The following BRPF3 variants were observed in gnomAD, a reference collection of about 807,000 sequenced individuals.
BRPF3 encodes bromodomain and PHD finger containing 3, also known as bromodomain and PHD finger-containing protein 3.
Under a neutral mutation model 102.0 loss-of-function variants are expected in BRPF3, and 18 were observed. The observed-to-expected ratio is 0.18, with a 90% CI of 0.12 to 0.26. BRPF3 has a LOEUF of 0.26. Among genes scored for constraint, BRPF3 ranks in the 10% least tolerant of loss-of-function variants. The pLI is 1.00. For synonymous variants in BRPF3, 570 were observed against 614.2 expected (o/e 0.93, Z 1.06); for missense variants, 1,147 against 1,567.8 (o/e 0.73, Z 4.53).
At position 36,201,579 on chromosome 6, in the gene BRPF3, GGAGGAAGAA is replaced by G. The variant is rs780551785; in HGVS notation, c.1266_1274del (p.Glu423_Glu425del). 6.4e-5 allele frequency: 104 copies of G among 1,614,040 alleles called. No individual in the cohort carries two copies. The highest frequency in any genetic ancestry group is 7.8e-5 in the Non-Finnish European group (92 of 1,179,930). On this transcript the variant is annotated inframe_deletion, in exon 2 of 13. Coordinates refer to ENST00000357641, the MANE Select transcript of BRPF3 (RefSeq NM_015695.3). The surrounding 1 kb of genome is among the most constrained non-coding windows in gnomAD (Gnocchi z 5.1). Reference sequence around the variant, plus strand: ...AAGGGCTGAAGGAGGGTGATGGAGAGGAGGAAGAAGAGGAAGAGGTGGAGGAAGAAGAGC... The same window carrying G: ...AAGGGCTGAAGGAGGGTGATGGAGAGGAGGAAGAGGTGGAGGAAGAAGAGC...
At chr6:36,225,480 G>GC (rs1581991152) in intron 11 of BRPF3, 116 bp downstream of exon 11, 1 of 932,968 alleles carries the variant, frequency 1.1e-6, no homozygotes, top group African/African-American at 1.7e-5. Flanking sequence ...GCTGTAGAGG[G>GC]GAGGGGGGTT....
Position 36,210,463 on chromosome 6 carries a change from A to C in BRPF3, c.2114A>C (p.Glu705Ala). The change falls in exon 6 of 13, where the codon GAG (glutamate) becomes GCG (alanine). Residue 705 changes from glutamate (E) to alanine (A), a missense_variant. This residue lies in a region of BRPF3 where 109 missense variants were observed against 175.1 expected (regional missense o/e 0.62). Coordinates refer to ENST00000357641, the MANE Select transcript of BRPF3 (RefSeq NM_015695.3). The surrounding 1 kb of genome is among the most constrained non-coding windows in gnomAD (Gnocchi z 4.7). ...GCAGAGAACATCGGCTATGACCCCG[A>C]GAGGGGCACTCACCTGCCCGAGTCA... The part of the protein sequence containing the change: ...RQAENIGYDP[E>A]RGTHLPESPK... 1 of 1,607,874 alleles carries C rather than the reference A, an allele frequency of 6.2e-7. No homozygotes were observed. The highest frequency in any genetic ancestry group is 8.5e-7 in the Non-Finnish European group (1 of 1,179,966).
Position 36,217,921 on chromosome 6 carries a change from G to A in BRPF3, c.2994G>A (p.Met998Ile), listed in dbSNP as rs1768388651. Residue 998 changes from methionine (M) to isoleucine (I), a missense_variant, in exon 9 of 13, where the codon ATG (methionine) becomes ATA (isoleucine). Met to Ile is a conservative substitution (Grantham distance 10). Transcript: ENST00000357641. Reference sequence around the variant, plus strand: ...CACTGTGTGTGTCCTTGGCAGGCATGACCAACGGCTTTGGAAAACACACCG... The same window carrying A: ...CACTGTGTGTGTCCTTGGCAGGCATAACCAACGGCTTTGGAAAACACACCG... ...RSPQQEEETGMTNGFGKHTES... is the reference protein window; with the variant it reads ...RSPQQEEETGITNGFGKHTES... The A allele has an allele frequency of 3.1e-6, 5 of 1,613,126 alleles. No homozygotes were observed. The South Asian group carries it at 5.5e-5, about 18-fold the overall frequency.
Position 36,207,360 on chromosome 6 carries a change from T to C in BRPF3, c.1653T>C (p.Tyr551=), listed in dbSNP as rs1326698346. ...KTSAVKEELK[Y]WQKLRHDLER... ...GTGCAGTGAAGGAGGAGCTGAAGTATTGGCAGAAGCTCCGGCATGACTTGG... is the reference window on the plus strand; with the variant it reads ...GTGCAGTGAAGGAGGAGCTGAAGTACTGGCAGAAGCTCCGGCATGACTTGG... The change falls in exon 4 of 13, where the codon TAT becomes TAC. Residue 551 remains tyrosine, a synonymous_variant. Transcript: ENST00000357641. 1 of 1,614,060 alleles carries C rather than the reference T, an allele frequency of 6.2e-7. No homozygotes were observed. Among genetic ancestry groups the C allele is most frequent in the Non-Finnish European group, 8.5e-7 (1 of 1,179,980 alleles).
rs1372016084 is a variant in BRPF3 at position 36,200,936 on chromosome 6, A to G, written c.614A>G (p.Gln205Arg). The change falls in exon 2 of 13, where the codon CAA becomes CGA. Residue 205 changes from glutamine to arginine, a missense_variant. Physicochemically the swap from Gln to Arg is conservative, Grantham distance 43. This residue lies in a region of BRPF3 where 221 missense variants were observed against 337.1 expected (regional missense o/e 0.66). Coordinates refer to ENST00000357641, the MANE Select transcript of BRPF3 (RefSeq NM_015695.3). This position sits in a 1 kb window ranked among gnomAD's most constrained non-coding sequence, Gnocchi z 5.3. ...SYLESRSSGA[Q>R]QSLIDEDAFC... Reference sequence around the variant, plus strand: ...TTGGAGAGTCGCAGCAGTGGGGCCCAACAGTCACTCATCGATGAAGACGCT... The same window carrying G: ...TTGGAGAGTCGCAGCAGTGGGGCCCGACAGTCACTCATCGATGAAGACGCT... 2 of 1,614,090 alleles carry G rather than the reference A, an allele frequency of 1.2e-6. No homozygotes were observed. Among genetic ancestry groups the G allele is most frequent in the Non-Finnish European group, 8.5e-7 (1 of 1,180,054 alleles).
chr6:36,225,402 G>T, intron 11 of BRPF3, 38 bp downstream of exon 11: 1 of 1,553,386 alleles, frequency 6.4e-7, no homozygotes, highest in Non-Finnish European at 8.8e-7. Context: ...TATCTCCCCT[G>T]CCTTGCCTTG....
intron 7 of BRPF3, 42 bp from the exon 8 acceptor site, chr6:36,213,838 T>C: frequency 6.5e-7 from 1 of 1,542,622 alleles, no homozygotes. Context: ...AGGAGCAGAC[T>C]CTTTCTAAAA....
In BRPF3 at chr6:36,211,284, C is replaced by T. The variant is rs749459521; in HGVS notation, c.2206C>T (p.Arg736Trp). 1.9e-6 allele frequency: 3 copies of T among 1,614,018 alleles called. No individual in the cohort carries two copies. Among genetic ancestry groups the T allele is most frequent in the Middle Eastern group, 1.7e-4 (1 of 6,056 alleles). Residue 736 changes from arginine (R) to tryptophan (W), a missense_variant, in exon 7 of 13, where the codon CGG (arginine) becomes TGG (tryptophan). Coordinates refer to ENST00000357641, the MANE Select transcript of BRPF3 (RefSeq NM_015695.3). ...DVDNILIPENRAHLSPEVQLK... is the reference protein window; with the variant it reads ...DVDNILIPENWAHLSPEVQLK... ...GGACAACATCCTCATCCCAGAGAAC[C>T]GGGCCCATTTGTCCCCAGAGGTGCA...
At chr6:36,224,976 TTGTG>T (rs992875663) in intron 10 of BRPF3, among the ~76,000 whole-genome samples, 3 of 152,208 alleles carry the variant, frequency 2.0e-5, no homozygotes, top group Admixed American at 2.0e-4. Flanking sequence ...CATTTATAGA[TTGTG>T]TGTGTGGCTG....
At chr6:36,217,863 T>G in intron 8 of BRPF3, 54 bp from the exon 9 acceptor site, 11 of 1,507,598 alleles carry the variant, frequency 7.3e-6, no homozygotes, top group African/African-American at 1.4e-5. Context: ...CCCTGTAGCA[T>G]GTGTTGGGAA....
intron 11 of BRPF3, 122 bp downstream of exon 11, chr6:36,225,486 G>C (rs979868102): frequency 1.2e-6 from 1 of 862,932 alleles, no homozygotes. Flanking sequence ...GAGGGGAGGG[G>C]GGTTTTGCCC....
At chr6:36,226,462 A>G (rs1768743239) in intron 11 of BRPF3, among the ~76,000 whole-genome samples, 1 of 152,148 alleles carries the variant, frequency 6.6e-6, no homozygotes. Context: ...ATCTGTGGAA[A>G]TTTTTAAAAC....
Position 36,210,794 on chromosome 6 carries a change from G to A in BRPF3, c.2179+266G>A, listed in dbSNP as rs1247149425. Among the ~76,000 whole-genome samples the A allele has an allele frequency of 6.6e-6, 1 of 152,190 alleles. No individual in the cohort carries two copies. The highest frequency in any genetic ancestry group is 1.5e-5 in the Non-Finnish European group (1 of 68,020). ...TTGAAAAGCTTAAAGCCTCATCAGA[G>A]GTCTTCCTCTCTTGGATCCCCTCTG... On this transcript the variant is annotated intron_variant, in intron 6 of 12. Transcript: ENST00000357641. The surrounding 1 kb of genome is among the most constrained non-coding windows in gnomAD (Gnocchi z 4.7).
intron 7 of BRPF3, among the ~76,000 whole-genome samples, chr6:36,212,572 GAAAAAA>G (rs1013260246): frequency 2.2e-5 from 1 of 44,958 alleles, no homozygotes. Context: ...GCATCACCTA[GAAAAAA>G]AAAAAAAAAA....
intron 2 of BRPF3, 44 bp from the exon 3 acceptor site, chr6:36,204,614 T>C: frequency 6.2e-7 from 1 of 1,611,698 alleles, no homozygotes; most frequent in Admixed American, 1.7e-5. Flanking sequence ...TAATCTGGGC[T>C]GCCCACTGAC....
chr6:36,204,307 T>C (rs1418237228), intron 2 of BRPF3: 1 of 282,780 alleles, frequency 3.5e-6, no homozygotes, highest in Non-Finnish European at 6.9e-6. Flanking sequence ...TCCCTTTCGC[T>C]GCTTTTATAA....
chr6:36,198,382 A>G (rs1011938756), intron 1 of BRPF3, among the ~76,000 whole-genome samples: 1 of 152,238 alleles, frequency 6.6e-6, no homozygotes, highest in Admixed American at 6.5e-5. Flanking sequence ...TCTAGGTCAC[A>G]GAGGGCCAAG....
At chr6:36,218,159 G>A in intron 9 of BRPF3, 149 bp downstream of exon 9, 1 of 631,222 alleles carries the variant, frequency 1.6e-6, no homozygotes, top group Non-Finnish European at 2.7e-6. Flanking sequence ...TGTAACTCTG[G>A]GAGTTCCTAG....
chr6:36,211,016 A>G (rs1768085426), intron 6 of BRPF3, among the ~76,000 whole-genome samples: 1 of 152,182 alleles, frequency 6.6e-6, no homozygotes, highest in Admixed American at 6.5e-5. Flanking sequence ...TGCCTGCTCC[A>G]TGGAGCCCAT....
Sources: allele counts gnomAD v4.1 joint callset (sites outside exome capture counted in the v4.1 genomes callset), GRCh38; gene constraint gnomAD v4.1.1; regional missense constraint gnomAD v4.1.1; non-coding constraint Gnocchi (gnomAD v3.1); transcripts MANE v1.5; gene names NCBI Gene and HGNC (gene_info 2026-07-23, HGNC 2026-07-21).